BNC2: variants seen among roughly 807,000 people sequenced by gnomAD.
The protein encoded by BNC2 is zinc finger protein basonuclin-2.
In BNC2, 20 loss-of-function variants were observed where a neutral mutation model predicts 76.3. The observed-to-expected ratio is 0.26, with a 90% CI of 0.18 to 0.38. The LOEUF (loss-of-function observed/expected upper bound fraction) is 0.38, where lower values mean the gene tolerates loss of function less well. Among genes scored for constraint, BNC2 ranks in the 10% least tolerant of loss-of-function variants. The pLI, the probability that BNC2 is intolerant of heterozygous loss-of-function variation, is 1.00. For missense variants in BNC2, 1,382 were observed against 1,399.8 expected (o/e 0.99, Z 0.20); for synonymous variants, 582 against 514.8 (o/e 1.13, Z -1.77).
chr9:16,679,484 A>G (rs936880651), intron 3 of BNC2, among the ~76,000 whole-genome samples: 5 of 152,234 alleles, frequency 3.3e-5, no homozygotes, highest in African/African-American at 1.2e-4. Flanking sequence ...ACACATGTGC[A>G]TGGCAAATGG....
rs200950592 is a variant in BNC2, at chr9:16,738,564, G to C, written c.4-79C>G. On this transcript the variant is annotated intron_variant, in intron 1 of 6. Transcript: ENST00000380672. ...AGCATTGAGTACATCAAAACTTTAA[G>C]AAATTGCAAATATAACACACCAATG... The C allele has an allele frequency of 1.7e-5, 10 of 600,128 alleles. No homozygotes were observed. The East Asian group carries it at 4.0e-4, about 24-fold the overall frequency. The allele number at this position is 600,128 out of a possible 1,614,324, so 37.2% of individuals were successfully genotyped here. A position where few individuals can be genotyped will look rare whatever the true frequency, so the allele number is the denominator to read the frequency against.
chr9:16,798,306 T>C (rs148051998), intron 1 of BNC2, among the ~76,000 whole-genome samples: 2 of 152,348 alleles, frequency 1.3e-5, no homozygotes, highest in East Asian at 3.9e-4. Flanking sequence ...GGCTCTAGGC[T>C]GTGAACTCAG....
intron 1 of BNC2, among the ~76,000 whole-genome samples, chr9:16,848,325 T>C (rs1819040175): frequency 6.6e-6 from 1 of 152,176 alleles, no homozygotes; most frequent in South Asian, 2.1e-4. Context: ...AGAGGAGGTA[T>C]TGTGAATGGG....
chr9:16,526,266 G>C (rs1242930709), intron 5 of BNC2, among the ~76,000 whole-genome samples: 1 of 151,694 alleles, frequency 6.6e-6, no homozygotes, highest in Non-Finnish European at 1.5e-5. Context: ...TATTTTTCTG[G>C]GTATTAAAAA....
chr9:16,437,152 G>A lies in BNC2; in HGVS notation c.1042C>T (p.Pro348Ser), dbSNP rs1436156781. 9 of 1,614,144 alleles carry A rather than the reference G, an allele frequency of 5.6e-6. No individual in the cohort carries two copies. In the South Asian group the frequency reaches 7.7e-5, roughly 14 times the overall value. ...LPPNGLLLEQ[P>S]GLRLREPSLS... ...CTGGGTTCCCGCAGCCTCAACCCTG[G>A]TTGCTCTAACAGTAGCCCATTTGGA... is the stretch of plus-strand genomic sequence containing the variant. Residue 348 changes from proline to serine, a missense_variant, in exon 6 of 7, where the codon CCA becomes TCA. Transcript: ENST00000380672.
At chr9:16,659,380 T>A (rs143791334) in intron 3 of BNC2, among the ~76,000 whole-genome samples, 41 of 151,890 alleles carry the variant, frequency 2.7e-4, no homozygotes, top group South Asian at 1.0e-3. Flanking sequence ...GGGGCCGAGG[T>A]GGGCAGATCA....
intron 3 of BNC2, among the ~76,000 whole-genome samples, chr9:16,700,990 A>G (rs1343224660): frequency 1.3e-5 from 2 of 152,212 alleles, no homozygotes; most frequent in Non-Finnish European, 2.9e-5. Flanking sequence ...TGAATTCCAC[A>G]TAATAACATC....
intron 5 of BNC2, among the ~76,000 whole-genome samples, chr9:16,498,009 GTGTGTGTGTA>G (rs1822428985): frequency 7.4e-6 from 1 of 134,980 alleles, no homozygotes; most frequent in African/African-American, 3.7e-5. Flanking sequence ...GTGTGTGTGT[GTGTGTGTGTA>G]TGTATTCCAC....
chr9:16,584,916 T>C (rs1225406315), intron 3 of BNC2, among the ~76,000 whole-genome samples: 1 of 152,092 alleles, frequency 6.6e-6, no homozygotes, highest in Admixed American at 6.6e-5. Flanking sequence ...ATGTTGACAT[T>C]AAAACATTCA....
At position 16,857,877 on chromosome 9, in the gene BNC2, T is replaced by C. The variant is rs371660369; in HGVS notation, c.3+12769A>G. ...AACTGTAAGGGAATGAATATTTCTT[T>C]TAATTCAACAATGAAGCAATATAGC... is the stretch of plus-strand genomic sequence containing the variant. On this transcript the variant is annotated intron_variant, in intron 1 of 6. Coordinates refer to ENST00000380672, the MANE Select transcript of BNC2 (RefSeq NM_017637.6). Among the ~76,000 whole-genome samples, 10 of 152,372 alleles carry C rather than the reference T, an allele frequency of 6.6e-5. No individual in the cohort carries two copies. The South Asian group carries it at 2.1e-3, about 32-fold the overall frequency.
intron 3 of BNC2, among the ~76,000 whole-genome samples, chr9:16,712,114 C>G (rs1365588159): frequency 6.6e-6 from 1 of 152,148 alleles, no homozygotes; most frequent in African/African-American, 2.4e-5. Context: ...AAAATTATAT[C>G]AAGACTGCAC....
chr9:16,496,234 A>AAAAAC (rs1051005637), intron 5 of BNC2, among the ~76,000 whole-genome samples: 4 of 152,162 alleles, frequency 2.6e-5, no homozygotes, highest in African/African-American at 7.2e-5. Flanking sequence ...TTAAAAACAA[A>AAAAAC]AAAACAAAAC....
At chr9:16,571,019 C>A (rs558074676) in intron 4 of BNC2, among the ~76,000 whole-genome samples, 1 of 152,090 alleles carries the variant, frequency 6.6e-6, no homozygotes, top group African/African-American at 2.4e-5. Flanking sequence ...TCAGTACCAA[C>A]GGGCACAATC....
At chr9:16,494,111 A>G (rs1822335479) in intron 5 of BNC2, among the ~76,000 whole-genome samples, 1 of 152,174 alleles carries the variant, frequency 6.6e-6, no homozygotes, top group South Asian at 2.1e-4. Context: ...TGGAAGAGAA[A>G]CAGACACACT....
chr9:16,655,546 A>G (rs1441607772), intron 3 of BNC2, among the ~76,000 whole-genome samples: 1 of 152,218 alleles, frequency 6.6e-6, no homozygotes, highest in Non-Finnish European at 1.5e-5. Context: ...TCATCCAGGA[A>G]TAAAAAAAGT....
intron 1 of BNC2, among the ~76,000 whole-genome samples, chr9:16,774,169 A>G (rs988596604): frequency 1.3e-5 from 2 of 152,128 alleles, no homozygotes; most frequent in African/African-American, 4.8e-5. Flanking sequence ...TTTAGTAGAG[A>G]CAGGGTTTCA....
At chr9:16,457,427 T>G (rs1821476829) in intron 5 of BNC2, among the ~76,000 whole-genome samples, 1 of 152,076 alleles carries the variant, frequency 6.6e-6, no homozygotes, top group African/African-American at 2.4e-5. Flanking sequence ...ACTACAGTGA[T>G]GGGATACAAA....
chr9:16,436,315 G>A lies in BNC2; in HGVS notation c.1879C>T (p.Leu627=), dbSNP rs1821012817. 1 of 1,613,996 alleles carries A rather than the reference G, an allele frequency of 6.2e-7. No homozygotes were observed. Among genetic ancestry groups the A allele is most frequent in the South Asian group, 1.1e-5 (1 of 91,080 alleles). The part of the protein sequence containing the change: ...MMATHEPSAD[L]APKKKPRKSS... ...TTCCTGGGCTTTTTCTTGGGTGCCA[G>A]GTCAGCACTGGGCTCATGGGTGGCC... Residue 627 remains leucine, a synonymous_variant, in exon 6 of 7, where the codon CTG becomes TTG. Coordinates refer to ENST00000380672, the MANE Select transcript of BNC2 (RefSeq NM_017637.6).
At chr9:16,698,510 G>C (rs1477448323) in intron 3 of BNC2, among the ~76,000 whole-genome samples, 1 of 152,110 alleles carries the variant, frequency 6.6e-6, no homozygotes, top group Admixed American at 6.6e-5. Flanking sequence ...GACCAACATG[G>C]AGAAACCCCA....
Sources: allele counts gnomAD v4.1 joint callset (sites outside exome capture counted in the v4.1 genomes callset), GRCh38; gene constraint gnomAD v4.1.1; transcripts MANE v1.5; gene names NCBI Gene and HGNC (gene_info 2026-07-23, HGNC 2026-07-21).